Variants in ADD2 observed in about 807,000 individuals in gnomAD.
ADD2 encodes the protein adducin 2, also known as beta-adducin.
In ADD2, 23 loss-of-function variants were observed where a neutral mutation model predicts 83.0. That is an observed-to-expected ratio of 0.28 (90% CI 0.20 to 0.39). ADD2 has a LOEUF of 0.39. ADD2 is among the 10% of genes least tolerant of loss of function. The probability of loss-of-function intolerance (pLI) is 1.00; values close to 1 mark genes in which losing one functional copy is unlikely to be tolerated. For missense variants in ADD2, 758 were observed against 944.9 expected (o/e 0.80, Z 2.59); for synonymous variants, 375 against 375.4 (o/e 1.00, Z 0.01).
chr2:70,740,188 C>A (rs1673812388), intron 1 of ADD2, among the ~76,000 whole-genome samples: 1 of 151,680 alleles, frequency 6.6e-6, no homozygotes, highest in Non-Finnish European at 1.5e-5. Flanking sequence ...AAAAGTAAAC[C>A]CCATAATGAA....
chr2:70,725,099 G>A (rs782307514), intron 1 of ADD2, among the ~76,000 whole-genome samples: 6 of 152,164 alleles, frequency 3.9e-5, no homozygotes, highest in Non-Finnish European at 8.8e-5. Context: ...GAGGGTTACC[G>A]AACCACCCTG....
At chr2:70,724,369 C>T (rs570805821) in intron 1 of ADD2, among the ~76,000 whole-genome samples, 1 of 152,330 alleles carries the variant, frequency 6.6e-6, no homozygotes, top group East Asian at 1.9e-4. Flanking sequence ...AAATGTTCCT[C>T]CTGCATTTCT....
At chr2:70,699,685 C>T (rs1399744785) in intron 4 of ADD2, among the ~76,000 whole-genome samples, 1 of 152,066 alleles carries the variant, frequency 6.6e-6, no homozygotes, top group Non-Finnish European at 1.5e-5. Context: ...GAGGCTGAGG[C>T]AGAAAGATCA....
chr2:70,696,935 C>T (rs918295005), intron 4 of ADD2, among the ~76,000 whole-genome samples: 3 of 151,988 alleles, frequency 2.0e-5, no homozygotes, highest in African/African-American at 7.3e-5. Context: ...TCGAGGCGGG[C>T]GGATCACAAG....
At chr2:70,731,726 G>A (rs1485539950) in intron 1 of ADD2, among the ~76,000 whole-genome samples, 1 of 152,184 alleles carries the variant, frequency 6.6e-6, no homozygotes, top group Non-Finnish European at 1.5e-5. Flanking sequence ...ATGGGCTGCT[G>A]GAGAAAAGAC....
intron 1 of ADD2, among the ~76,000 whole-genome samples, chr2:70,732,184 T>C (rs1653042595): frequency 6.6e-6 from 1 of 152,132 alleles, no homozygotes; most frequent in South Asian, 2.1e-4. Context: ...AACCAAAGCA[T>C]GAAGTTGTAC....
intron 1 of ADD2, among the ~76,000 whole-genome samples, chr2:70,724,055 A>C (rs1553377795): frequency 6.6e-6 from 1 of 152,258 alleles, no homozygotes; most frequent in African/African-American, 2.4e-5. Context: ...GCCACAGTGA[A>C]TATCCACCTA....
At position 70,706,887 on chromosome 2, in the gene ADD2, A is replaced by G. The variant is rs1415994937; in HGVS notation, c.-34-445T>C. ...AAATTATGGTGGAAATAGCTAATGC[A>G]TGCTGGGCTTAACACCTAGGTAATG... On this transcript the variant is annotated intron_variant, in intron 2 of 15. Transcript: ENST00000264436. The surrounding 1 kb of genome is among the most constrained non-coding windows in gnomAD (Gnocchi z 5.0). Among the ~76,000 whole-genome samples, 1 of 152,220 alleles carries G rather than the reference A, an allele frequency of 6.6e-6. No individual in the cohort carries two copies. The highest frequency in any genetic ancestry group is 2.4e-5 in the African/African-American group (1 of 41,468).
At chr2:70,688,154 TA>T (rs1670839449) in intron 8 of ADD2, 32 bp from the exon 9 acceptor site, 16 of 1,572,584 alleles carry the variant, frequency 1.0e-5, no homozygotes, top group Non-Finnish European at 1.4e-5. Flanking sequence ...ATTAAAACCT[TA>T]AGTCCTCTAA....
chr2:70,741,763 C>T (rs1436478044), intron 1 of ADD2, among the ~76,000 whole-genome samples: 2 of 152,162 alleles, frequency 1.3e-5, no homozygotes, highest in Non-Finnish European at 2.9e-5. Flanking sequence ...ACTCAATGGA[C>T]ATGCAACAGG....
rs570543858 is a variant in ADD2, at chr2:70,657,377, G to A, written c.*6048C>T. The A allele has an allele frequency of 6.6e-6, 1 of 152,310 alleles. No homozygotes were observed. Among genetic ancestry groups the A allele is most frequent in the African/African-American group, 2.4e-5 (1 of 41,560 alleles). The allele number at this position is 152,310 out of a possible 1,614,324, so 9.4% of individuals were successfully genotyped here. ...TTCCTGCTTGCCTGCACCCCAGCCAGGCGATCTCAGGCTCTGGACCGTATG... is the reference window on the plus strand; with the variant it reads ...TTCCTGCTTGCCTGCACCCCAGCCAAGCGATCTCAGGCTCTGGACCGTATG... On this transcript the variant is annotated 3_prime_UTR_variant, in exon 16 of 16. Transcript: ENST00000264436.
At chr2:70,718,068 T>C (rs549711703) in intron 1 of ADD2, among the ~76,000 whole-genome samples, 1 of 152,336 alleles carries the variant, frequency 6.6e-6, no homozygotes, top group East Asian at 1.9e-4. Context: ...TACTTATTTC[T>C]GGGCATCCCT....
At chr2:70,664,929 T>C (rs1257950430) in intron 15 of ADD2, among the ~76,000 whole-genome samples, 1 of 151,858 alleles carries the variant, frequency 6.6e-6, no homozygotes, top group Admixed American at 6.6e-5. Context: ...TTTACAAATG[T>C]GTTTGTGTAA....
intron 1 of ADD2, among the ~76,000 whole-genome samples, chr2:70,737,630 C>T (rs894735276): frequency 1.6e-4 from 24 of 151,432 alleles, no homozygotes; most frequent in Non-Finnish European, 2.9e-5. Flanking sequence ...ATGTAAATGA[C>T]GAGTTAATGG....
chr2:70,702,896 G>T (rs1268178057), intron 4 of ADD2, among the ~76,000 whole-genome samples: 1 of 152,182 alleles, frequency 6.6e-6, no homozygotes, highest in African/African-American at 2.4e-5. Context: ...GGAGACCGGG[G>T]TGGGTGGATC....
chr2:70,694,706 C>T (rs1176155317), intron 6 of ADD2, among the ~76,000 whole-genome samples: 3 of 152,164 alleles, frequency 2.0e-5, no homozygotes, highest in African/African-American at 7.2e-5. Context: ...CACTCCTGCA[C>T]CATGGTTTCA....
Position 70,676,125 on chromosome 2 carries a change from A to G in ADD2, c.1593+671T>C, listed in dbSNP as rs1051116713. ...CTGTATTTCCCCAATTTTTACTGCT[A>G]AGGAAAATGTCATGCCCATTGCTAC... On this transcript the variant is annotated intron_variant, in intron 13 of 15. Transcript: ENST00000264436. The surrounding 1 kb of genome is among the most constrained non-coding windows in gnomAD (Gnocchi z 4.8). The G allele has an allele frequency of 4.1e-6, 4 of 985,334 alleles. No homozygotes were observed. In the Admixed American group the frequency reaches 1.8e-4, roughly 45 times the overall value. The allele number at this position is 985,334 out of a possible 1,614,324, so 61.0% of individuals were successfully genotyped here.
At chr2:70,703,137 GA>G (rs1553373738) in intron 4 of ADD2, among the ~76,000 whole-genome samples, 1 of 137,172 alleles carries the variant, frequency 7.3e-6, no homozygotes, top group African/African-American at 2.7e-5. Context: ...GGAAAGAAAA[GA>G]AAAAGGAAAG....
chr2:70,682,821 A>T (rs1193428145), intron 10 of ADD2, among the ~76,000 whole-genome samples: 1 of 152,202 alleles, frequency 6.6e-6, no homozygotes, highest in Non-Finnish European at 1.5e-5. Flanking sequence ...AATTCCTTAC[A>T]TGACTGATTG....
Sources: gnomAD v4.1 joint callset for allele counts (sites outside exome capture counted in the v4.1 genomes callset) on GRCh38, gnomAD v4.1.1 for gene constraint, Gnocchi (gnomAD v3.1) non-coding constraint, MANE v1.5 for transcripts, NCBI Gene and HGNC (gene_info 2026-07-23, HGNC 2026-07-21) for gene names.